Variants in BLM observed in about 807,000 individuals in gnomAD.
BLM encodes recQ-like DNA helicase BLM.
In BLM, 95 loss-of-function variants were observed where a neutral mutation model predicts 135.3. The observed-to-expected ratio is 0.70, with a 90% CI of 0.59 to 0.83. The LOEUF (loss-of-function observed/expected upper bound fraction) is 0.83, where lower values mean the gene tolerates loss of function less well. BLM is among the 40% of genes least tolerant of loss of function. The pLI, the probability that BLM is intolerant of heterozygous loss-of-function variation, is 0.00. For missense variants in BLM, 1,518 were observed against 1,663.9 expected, an observed-to-expected ratio of 0.91 and a Z score of 1.53; for synonymous variants, 520 against 589.2, an observed-to-expected ratio of 0.88 and a Z score of 1.70.
intron 17 of BLM, among the ~76,000 whole-genome samples, chr15:90,800,523 A>C (rs1446860764): frequency 6.6e-6 from 1 of 152,148 alleles, no homozygotes; most frequent in African/African-American, 2.4e-5. Flanking sequence ...TCTACTAAAA[A>C]TACAAAATAA....
chr15:90,772,009 T>C (rs2151168803), intron 12 of BLM, among the ~76,000 whole-genome samples: 1 of 152,254 alleles, frequency 6.6e-6, no homozygotes, highest in African/African-American at 2.4e-5. Context: ...TCAGTAATAA[T>C]CAATAAATGA....
chr15:90,760,769 G>A lies in BLM; in HGVS notation c.1396G>A (p.Gly466Arg), dbSNP rs747760482. 1.2e-5 allele frequency: 20 copies of A among 1,613,974 alleles called. No individual in the cohort carries two copies. Among genetic ancestry groups the A allele is most frequent in the Non-Finnish European group, 1.6e-5 (19 of 1,179,986 alleles). Residue 466 changes from glycine (G) to arginine (R), a missense_variant, in exon 7 of 22, where the codon GGG becomes AGG. By Grantham distance (125) the Gly-to-Arg change is moderately radical. This residue lies in a region of BLM where 724 missense variants were observed against 756.9 expected (regional missense o/e 0.96). Coordinates refer to ENST00000355112, the MANE Select transcript of BLM (RefSeq NM_000057.4). The stretch of plus-strand genomic sequence containing the variant: ...CCTTCCCTCAAATTCTGTTTCTCCT[G>A]GGGACTGTTTACTGACTACCACCCT... The part of the protein sequence containing the change: ...SHLPSNSVSP[G>R]DCLLTTTLGK...
chr15:90,762,972 C>T lies in BLM; in HGVS notation c.1889C>T (p.Ser630Leu). Residue 630 changes from serine (S) to leucine (L), a missense_variant, in exon 8 of 22, where the codon TCA becomes TTA. This residue lies in a region of BLM where 724 missense variants were observed against 756.9 expected (regional missense o/e 0.96). Transcript: ENST00000355112. The stretch of plus-strand genomic sequence containing the variant: ...ACGTTGATTATTTTCCTAGACAAGT[C>T]AGCACAAAATTTAGCATCCAGAAAT... ...SESIQNYTDK[S>L]AQNLASRNLK... The T allele has an allele frequency of 6.2e-7, 1 of 1,613,404 alleles. No individual in the cohort carries two copies. The highest frequency in any genetic ancestry group is 8.5e-7 in the Non-Finnish European group (1 of 1,179,794).
chr15:90,810,408 G>A (rs1024621160), intron 20 of BLM, among the ~76,000 whole-genome samples: 9 of 152,080 alleles, frequency 5.9e-5, no homozygotes, highest in Non-Finnish European at 8.8e-5. Flanking sequence ...GCCTTGTTCC[G>A]AATACATTTT....
intron 2 of BLM, among the ~76,000 whole-genome samples, chr15:90,747,882 A>C (rs1895548482): frequency 6.6e-6 from 1 of 152,086 alleles, no homozygotes; most frequent in South Asian, 2.1e-4. Flanking sequence ...ATCTTGGCTC[A>C]CTGCAAGCTC....
intron 21 of BLM, 114 bp downstream of exon 21, chr15:90,811,520 C>A: frequency 8.7e-7 from 1 of 1,155,232 alleles, no homozygotes; most frequent in South Asian, 1.3e-5. Context: ...TTAAATATTG[C>A]TAATGGAATG....
At chr15:90,725,699 G>A (rs1345693442) in intron 1 of BLM, among the ~76,000 whole-genome samples, 1 of 149,748 alleles carries the variant, frequency 6.7e-6, no homozygotes, top group African/African-American at 2.5e-5. Flanking sequence ...TTTTAGTAGA[G>A]ACGGGGTTTC....
intron 12 of BLM, 100 bp from the exon 13 acceptor site, chr15:90,782,722 C>A: frequency 2.3e-6 from 2 of 886,874 alleles, no homozygotes. Flanking sequence ...TACCATCACA[C>A]TGGGGGTTAG....
intron 12 of BLM, among the ~76,000 whole-genome samples, chr15:90,782,377 G>GCA (rs1896636864): frequency 6.6e-6 from 1 of 152,064 alleles, no homozygotes; most frequent in Non-Finnish European, 1.5e-5. Context: ...GACAGAGTGA[G>GCA]ACTCTGTCTC....
intron 21 of BLM, among the ~76,000 whole-genome samples, chr15:90,812,847 G>A (rs529366459): frequency 2.0e-5 from 3 of 152,302 alleles, no homozygotes. Context: ...GAAATTAAAG[G>A]CATTAGAAAA....
chr15:90,782,660 C>G (rs1415729780), intron 12 of BLM, among the ~76,000 whole-genome samples, 162 bp from the exon 13 acceptor site: 1 of 152,118 alleles, frequency 6.6e-6, no homozygotes, highest in Non-Finnish European at 1.5e-5. Context: ...TTATCTCATT[C>G]ATAACTCCAC....
At chr15:90,719,737 CAT>C (rs1376443746) in intron 1 of BLM, among the ~76,000 whole-genome samples, 2 of 151,916 alleles carry the variant, frequency 1.3e-5, no homozygotes, top group African/African-American at 4.8e-5. Context: ...AAAAGATATA[CAT>C]ATATATTTTA....
intron 12 of BLM, among the ~76,000 whole-genome samples, chr15:90,781,764 G>C (rs146395376): frequency 6.6e-6 from 1 of 152,194 alleles, no homozygotes; most frequent in Non-Finnish European, 1.5e-5. Flanking sequence ...CATGTGGCCC[G>C]TGGGCTGCGG....
intron 3 of BLM, 124 bp from the exon 4 acceptor site, chr15:90,751,663 T>C (rs776012051): frequency 5.3e-6 from 4 of 751,174 alleles, no homozygotes; most frequent in Non-Finnish European, 9.1e-6. Context: ...AGGGAGAGGA[T>C]CCATACAAAG....
intron 19 of BLM, chr15:90,808,782 G>A: frequency 7.9e-6 from 3 of 379,464 alleles, no homozygotes; most frequent in Non-Finnish European, 1.5e-5. Flanking sequence ...AGTAAAGAGA[G>A]GGCACACCAG....
chr15:90,813,632 A>G (rs1596275286), intron 21 of BLM, among the ~76,000 whole-genome samples: 1 of 152,024 alleles, frequency 6.6e-6, no homozygotes, highest in Admixed American at 6.6e-5. Flanking sequence ...CAGGTGATCT[A>G]CCCACCTTGG....
chr15:90,781,633 A>T (rs1896619257), intron 12 of BLM, among the ~76,000 whole-genome samples: 1 of 152,170 alleles, frequency 6.6e-6, no homozygotes, highest in African/African-American at 2.4e-5. Flanking sequence ...TCTCAAAAAA[A>T]TAATAATACA....
intron 12 of BLM, among the ~76,000 whole-genome samples, chr15:90,773,262 A>G (rs1896376053): frequency 6.6e-6 from 1 of 152,052 alleles, no homozygotes; most frequent in Non-Finnish European, 1.5e-5. Context: ...TCTACTAAAA[A>G]TATAAAAATT....
chr15:90,774,919 T>C (rs1395853175), intron 12 of BLM, among the ~76,000 whole-genome samples: 1 of 151,660 alleles, frequency 6.6e-6, no homozygotes. Context: ...TGACGCCAGA[T>C]CATGGAGGAT....
Sources: allele counts gnomAD v4.1 joint callset (sites outside exome capture counted in the v4.1 genomes callset), GRCh38; gene constraint gnomAD v4.1.1; regional missense constraint gnomAD v4.1.1; transcripts MANE v1.5; gene names NCBI Gene and HGNC (gene_info 2026-07-23, HGNC 2026-07-21).